Variants in ATXN7L1 observed in about 807,000 individuals in gnomAD.
ATXN7L1 encodes the protein ataxin 7 like 1.
A neutral mutation model predicts 70.8 loss-of-function variants in ATXN7L1; 15 were observed. The observed-to-expected ratio is 0.21, with a 90% CI of 0.14 to 0.33. The LOEUF (loss-of-function observed/expected upper bound fraction) is 0.33. Ranked by LOEUF, ATXN7L1 falls within the 10% of genes least tolerant of loss-of-function variation. The pLI, the probability that ATXN7L1 is intolerant of heterozygous loss-of-function variation, is 1.00. For missense variants in ATXN7L1, 975 were observed against 1,097.1 expected, an observed-to-expected ratio of 0.89 and a Z score of 1.57; for synonymous variants, 440 against 445.1, an observed-to-expected ratio of 0.99 and a Z score of 0.14.
chr7:105,795,100 T>A (rs1805799328), intron 2 of ATXN7L1, among the ~76,000 whole-genome samples: 1 of 152,134 alleles, frequency 6.6e-6, no homozygotes, highest in Admixed American at 6.5e-5. Context: ...GAAATCTGCT[T>A]CTCACACCCC....
chr7:105,633,494 G>A (rs1796911484), intron 7 of ATXN7L1, among the ~76,000 whole-genome samples: 1 of 152,170 alleles, frequency 6.6e-6, no homozygotes, highest in South Asian at 2.1e-4. Context: ...GAGGTGGGTG[G>A]ATCACCTGAG....
chr7:105,810,043 A>G (rs1213666350), intron 2 of ATXN7L1, among the ~76,000 whole-genome samples: 2 of 152,198 alleles, frequency 1.3e-5, no homozygotes, highest in East Asian at 1.9e-4. Context: ...AAGTGTTGAG[A>G]CTACAGGTGT....
chr7:105,609,486 G>A (rs779099712), intron 11 of ATXN7L1, among the ~76,000 whole-genome samples: 1 of 150,654 alleles, frequency 6.6e-6, no homozygotes, highest in Non-Finnish European at 1.5e-5. Context: ...TTTTTTTTGA[G>A]ATAGGATCTC....
intron 3 of ATXN7L1, among the ~76,000 whole-genome samples, chr7:105,765,325 A>AC (rs1212978172): frequency 6.6e-6 from 1 of 151,694 alleles, no homozygotes; most frequent in Admixed American, 6.6e-5. Context: ...GAAAAAAAAA[A>AC]AAAACCCTCT....
At chr7:105,814,091 G>C (rs1385730849) in intron 2 of ATXN7L1, among the ~76,000 whole-genome samples, 1 of 152,142 alleles carries the variant, frequency 6.6e-6, no homozygotes, top group Non-Finnish European at 1.5e-5. Context: ...AACCAGCTTC[G>C]CAGCAGTCCC....
At chr7:105,737,545 G>C in intron 3 of ATXN7L1, among the ~76,000 whole-genome samples, 1 of 151,370 alleles carries the variant, frequency 6.6e-6, no homozygotes, top group Admixed American at 6.6e-5. Context: ...GTGTGTGTGT[G>C]TGTGTGTGTG....
At chr7:105,745,498 T>A (rs1324847095) in intron 3 of ATXN7L1, among the ~76,000 whole-genome samples, 1 of 152,168 alleles carries the variant, frequency 6.6e-6, no homozygotes, top group Admixed American at 6.5e-5. Context: ...GAAGGAAAGG[T>A]CCTCAGAGAC....
chr7:105,668,818 C>A (rs956305959), intron 3 of ATXN7L1, among the ~76,000 whole-genome samples: 1 of 152,096 alleles, frequency 6.6e-6, no homozygotes, highest in Non-Finnish European at 1.5e-5. Flanking sequence ...GTGGGTGGAT[C>A]GCTTGAGCCT....
At chr7:105,699,389 C>T (rs1310378413) in intron 3 of ATXN7L1, among the ~76,000 whole-genome samples, 1 of 152,200 alleles carries the variant, frequency 6.6e-6, no homozygotes, top group Non-Finnish European at 1.5e-5. Context: ...GCCTCAGCCT[C>T]CCAAAGTGCT....
intron 4 of ATXN7L1, among the ~76,000 whole-genome samples, chr7:105,660,269 T>C (rs556934107): frequency 3.9e-5 from 6 of 152,198 alleles, no homozygotes; most frequent in Non-Finnish European, 7.4e-5. Flanking sequence ...ATGAGAAAAC[T>C]GCTCCTTTAA....
At chr7:105,797,295 A>C (rs1269926206) in intron 2 of ATXN7L1, among the ~76,000 whole-genome samples, 2 of 152,340 alleles carry the variant, frequency 1.3e-5, no homozygotes, top group East Asian at 3.9e-4. Context: ...GGCAGGTGGA[A>C]GCTCCTCATT....
intron 3 of ATXN7L1, among the ~76,000 whole-genome samples, chr7:105,703,335 C>T (rs1179905941): frequency 6.8e-6 from 1 of 148,026 alleles, no homozygotes; most frequent in Non-Finnish European, 1.5e-5. Context: ...TTAAGTATAA[C>T]TTGTATTTTA....
intron 2 of ATXN7L1, among the ~76,000 whole-genome samples, chr7:105,815,291 A>G (rs1370354936): frequency 1.3e-5 from 2 of 152,202 alleles, no homozygotes; most frequent in Non-Finnish European, 2.9e-5. Flanking sequence ...CTCTAGGAAA[A>G]GGTATGTACA....
intron 9 of ATXN7L1, among the ~76,000 whole-genome samples, chr7:105,619,526 ATATATTTTTTTTTTTTTTTTTTTT>A (rs1250783609): frequency 1.8e-4 from 3 of 16,446 alleles, no homozygotes; most frequent in African/African-American, 5.3e-4. Flanking sequence ...ATATATATAT[ATATATTTTTTTTTTTTTTTTTTTT>A]TTTTTTTTTT....
intron 2 of ATXN7L1, among the ~76,000 whole-genome samples, chr7:105,824,194 C>G (rs1424049711): frequency 6.6e-6 from 1 of 152,156 alleles, no homozygotes; most frequent in Non-Finnish European, 1.5e-5. Flanking sequence ...ATGCTGGCAA[C>G]TGAAAATTCT....
At chr7:105,619,529 T>TATA (rs1794601751) in intron 9 of ATXN7L1, among the ~76,000 whole-genome samples, 2 of 12,534 alleles carry the variant, frequency 1.6e-4, no homozygotes, top group African/African-American at 6.5e-4. Context: ...TATATATATA[T>TATA]ATTTTTTTTT....
intron 3 of ATXN7L1, among the ~76,000 whole-genome samples, chr7:105,767,030 C>T (rs551839370): frequency 6.6e-6 from 1 of 152,300 alleles, no homozygotes; most frequent in African/African-American, 2.4e-5. Context: ...TGAGGCAGGA[C>T]GGCGGGCAGG....
chr7:105,664,595 C>T (rs1802319055), intron 4 of ATXN7L1, among the ~76,000 whole-genome samples: 1 of 121,744 alleles, frequency 8.2e-6, no homozygotes, highest in South Asian at 2.7e-4. Context: ...ATATTTGAGA[C>T]AGAGTTTCAC....
chr7:105,842,593 T>C (rs77105996), intron 2 of ATXN7L1, among the ~76,000 whole-genome samples: 13,941 of 152,274 alleles, frequency 0.092, 781 homozygotes, highest in East Asian at 0.22. Context: ...TACTACATTC[T>C]ATTTATCCAT....
Sources: allele counts gnomAD v4.1 joint callset (sites outside exome capture counted in the v4.1 genomes callset), GRCh38; gene constraint gnomAD v4.1.1; transcripts MANE v1.5; gene names NCBI Gene and HGNC (gene_info 2026-07-23, HGNC 2026-07-21).